Variants in ANKH observed in about 807,000 individuals in gnomAD.
ANKH encodes ANKH inorganic pyrophosphate transport regulator, also known as mineralization regulator ANKH.
ANKH carries 15 observed loss-of-function variants against 49.0 expected under a neutral mutation model. The ratio of observed to expected loss-of-function variants is 0.31; its 90% CI spans 0.20 to 0.47. The LOEUF (loss-of-function observed/expected upper bound fraction) is 0.47. Ranked by LOEUF, ANKH falls within the 20% of genes least tolerant of loss-of-function variation. The pLI, the probability that ANKH is intolerant of heterozygous loss-of-function variation, is 1.00. For synonymous variants in ANKH, 273 were observed against 260.0 expected (o/e 1.05, Z -0.48); for missense variants, 429 against 652.0 (o/e 0.66, Z 3.72).
chr5:14,790,818 C>T (rs923720367), intron 1 of ANKH, among the ~76,000 whole-genome samples: 7 of 152,144 alleles, frequency 4.6e-5, no homozygotes, highest in Non-Finnish European at 8.8e-5. Context: ...CCATGTTGGC[C>T]AGGCTGGTCT....
intron 1 of ANKH, among the ~76,000 whole-genome samples, chr5:14,839,528 CAG>C (rs903482220): frequency 3.4e-5 from 5 of 149,052 alleles, no homozygotes; most frequent in Non-Finnish European, 5.9e-5. Flanking sequence ...AAAAAACCCA[CAG>C]AGATTCCTTT....
rs774910732 is a variant in ANKH at position 14,725,994 on chromosome 5, C to T, written c.1012-9159G>A. Among the ~76,000 whole-genome samples, 1 of 152,138 alleles carries T rather than the reference C, an allele frequency of 6.6e-6. No individual in the cohort carries two copies. Among genetic ancestry groups the T allele is most frequent in the African/African-American group, 2.4e-5 (1 of 41,424 alleles). On this transcript the variant is annotated intron_variant, in intron 8 of 11. Coordinates refer to ENST00000284268, the MANE Select transcript of ANKH (RefSeq NM_054027.6). The surrounding 1 kb of genome is among the most constrained non-coding windows in gnomAD (Gnocchi z 4.0). ...AAACAGACCCCTGTAGATGTCTTCA[C>T]GGATATCATCAAACTTCAAATGTGA...
intron 1 of ANKH, among the ~76,000 whole-genome samples, chr5:14,809,358 G>GAAAA (rs1281804480): frequency 1.0e-5 from 1 of 95,332 alleles, no homozygotes; most frequent in African/African-American, 3.9e-5. Flanking sequence ...AAAAAAAAAA[G>GAAAA]AAAAAAAAAG....
In ANKH at chr5:14,725,029, G is replaced by C. The variant is rs1038896883; in HGVS notation, c.1012-8194C>G. 2.6e-5 allele frequency among the ~76,000 whole-genome samples: 4 copies of C among 151,988 alleles called. No individual in the cohort carries two copies. Among genetic ancestry groups the C allele is most frequent in the Non-Finnish European group, 5.9e-5 (4 of 67,996 alleles). On this transcript the variant is annotated intron_variant, in intron 8 of 11. Transcript: ENST00000284268. The surrounding 1 kb of genome is among the most constrained non-coding windows in gnomAD (Gnocchi z 4.0). The stretch of plus-strand genomic sequence containing the variant: ...TGGCCCTGGACATCATTTTTATTTG[G>C]CGCTTTTGCTTGAAAAAAAGGTTCA...
chr5:14,859,957 T>C (rs1382686908), intron 1 of ANKH, among the ~76,000 whole-genome samples: 1 of 152,238 alleles, frequency 6.6e-6, no homozygotes, highest in African/African-American at 2.4e-5. Flanking sequence ...CCAAGCTCCT[T>C]GCTATTTGGT....
At position 14,749,261 on chromosome 5, in the gene ANKH, C is replaced by A; in HGVS notation, c.733G>T (p.Ala245Ser). Residue 245 changes from alanine (A) to serine (S), a missense_variant, in exon 6 of 12, where the codon GCT (alanine) becomes TCT (serine). By Grantham distance (99) the Ala-to-Ser change is moderately conservative. Transcript: ENST00000284268. ...ATTCTCTGTGTGGCCAGAATTAGAG[C>A]CAAAGGCCACCAGAAGCTCAGCATC... ...RKMLSFWWPL[A>S]LILATQRISR... 6 of 1,614,152 alleles carry A rather than the reference C, an allele frequency of 3.7e-6. No individual in the cohort carries two copies. The highest frequency in any genetic ancestry group is 1.1e-5 in the South Asian group (1 of 91,078).
chr5:14,850,140 G>A (rs193164054), intron 1 of ANKH, among the ~76,000 whole-genome samples: 59 of 152,250 alleles, frequency 3.9e-4, no homozygotes, highest in Middle Eastern at 3.4e-3. Flanking sequence ...CTGGCTTGAC[G>A]AGGAACCCGC....
intron 1 of ANKH, among the ~76,000 whole-genome samples, chr5:14,805,455 A>G (rs1315904232): frequency 2.6e-5 from 2 of 76,354 alleles, no homozygotes; most frequent in Non-Finnish European, 4.9e-5. Flanking sequence ...GTGTATATAT[A>G]TATGTACACA....
intron 1 of ANKH, among the ~76,000 whole-genome samples, chr5:14,779,859 G>A (rs1392710229): frequency 1.3e-5 from 2 of 152,152 alleles, no homozygotes; most frequent in African/African-American, 4.8e-5. Flanking sequence ...GTAGACACAC[G>A]GACATGAACA....
chr5:14,750,593 T>A (rs1021593485), intron 5 of ANKH, among the ~76,000 whole-genome samples: 1 of 152,216 alleles, frequency 6.6e-6, no homozygotes, highest in African/African-American at 2.4e-5. Context: ...TGTGTTGCCC[T>A]ATGGTACCTA....
At chr5:14,749,635 T>A (rs978760333) in intron 5 of ANKH, among the ~76,000 whole-genome samples, 1 of 152,224 alleles carries the variant, frequency 6.6e-6, no homozygotes, top group Non-Finnish European at 1.5e-5. Flanking sequence ...GAGAAACAGG[T>A]TTGAAATTAA....
intron 1 of ANKH, among the ~76,000 whole-genome samples, chr5:14,846,784 G>A (rs574119763): frequency 4.6e-5 from 7 of 152,196 alleles, no homozygotes; most frequent in Admixed American, 1.3e-4. Context: ...TTGGGATCAG[G>A]AGTTCAAGCC....
intron 4 of ANKH, among the ~76,000 whole-genome samples, chr5:14,751,544 A>G (rs1307973084): frequency 1.3e-5 from 2 of 152,256 alleles, no homozygotes; most frequent in African/African-American, 4.8e-5. Context: ...AATTTATGCA[A>G]TATGTTTTCA....
chr5:14,821,581 A>G lies in ANKH; in HGVS notation c.96+49771T>C, dbSNP rs190356916. Among the ~76,000 whole-genome samples the G allele has an allele frequency of 3.0e-3, 459 of 152,352 alleles. 2 individuals are homozygous for G. Among genetic ancestry groups the G allele is most frequent in the African/African-American group, 0.011 (441 of 41,588 alleles). ...GAAGCATTTGAAATGGCATTAATGT[A>G]CCATCTTCACTGCCCATACTAAACC... On this transcript the variant is annotated intron_variant, in intron 1 of 11. Transcript: ENST00000284268.
At position 14,741,862 on chromosome 5, in the gene ANKH, T is replaced by G. The variant is rs763012754; in HGVS notation, c.976A>C (p.Lys326Gln). Residue 326 changes from lysine to glutamine, a missense_variant, in exon 8 of 12, where the codon AAG becomes CAG. Around this residue, in one of 2 missense-constraint regions of ANKH, gnomAD observed 378 missense variants for 615.3 expected, o/e 0.61. Coordinates refer to ENST00000284268, the MANE Select transcript of ANKH (RefSeq NM_054027.6). ...SNTVTAAHIK[K>Q]FTFVCMALSL... is the part of the protein sequence containing the mutation. ...AGAGCCATGCAGACGAAGGTGAACT[T>G]CTTGATGTGGGCTGCCGTGACTGTG... 5 of 1,614,114 alleles carry G rather than the reference T, an allele frequency of 3.1e-6. No homozygotes were observed. The highest frequency in any genetic ancestry group is 4.2e-6 in the Non-Finnish European group (5 of 1,180,004).
At chr5:14,748,013 T>C (rs1181872300) in intron 6 of ANKH, among the ~76,000 whole-genome samples, 2 of 152,184 alleles carry the variant, frequency 1.3e-5, no homozygotes, top group African/African-American at 4.8e-5. Flanking sequence ...TAAATGCCAG[T>C]GCTGTACCCC....
chr5:14,714,091 T>A (rs1737349242), intron 9 of ANKH, among the ~76,000 whole-genome samples: 1 of 152,262 alleles, frequency 6.6e-6, no homozygotes, highest in South Asian at 2.1e-4. Context: ...CCATCTTCCC[T>A]GCCTGCGGTC....
At chr5:14,776,793 C>T (rs547927799) in intron 1 of ANKH, among the ~76,000 whole-genome samples, 1 of 152,330 alleles carries the variant, frequency 6.6e-6, no homozygotes, top group South Asian at 2.1e-4. Flanking sequence ...AAAGGCGAGT[C>T]TCTAAACATT....
At chr5:14,781,841 A>G (rs61005372) in intron 1 of ANKH, among the ~76,000 whole-genome samples, 372 of 152,312 alleles carry the variant, frequency 2.4e-3, no homozygotes, top group African/African-American at 8.5e-3. Context: ...TTATACTTAC[A>G]AAGAGAGATG....
Sources: gnomAD v4.1 joint callset for allele counts (sites outside exome capture counted in the v4.1 genomes callset) on GRCh38, gnomAD v4.1.1 for gene constraint, gnomAD v4.1.1 regional missense constraint, Gnocchi (gnomAD v3.1) non-coding constraint, MANE v1.5 for transcripts, NCBI Gene and HGNC (gene_info 2026-07-23, HGNC 2026-07-21) for gene names.